The following DLGAP1 variants were observed in gnomAD, a reference collection of about 807,000 sequenced individuals.
The protein encoded by DLGAP1 is DLG associated protein 1.
DLGAP1 carries 11 observed loss-of-function variants against 90.8 expected under a neutral mutation model. The observed-to-expected ratio is 0.12, with a 90% CI of 0.08 to 0.20. The LOEUF (loss-of-function observed/expected upper bound fraction) is 0.20. Among genes scored for constraint, DLGAP1 ranks in the 10% least tolerant of loss-of-function variants. The pLI, the probability that DLGAP1 is intolerant of heterozygous loss-of-function variation, is 1.00. For synonymous variants in DLGAP1, 558 were observed against 540.7 expected, an observed-to-expected ratio of 1.03 and a Z score of -0.44; for missense variants, 1,050 against 1,333.8, an observed-to-expected ratio of 0.79 and a Z score of 3.31.
chr18:3,767,123 A>G (rs1302379338), intron 5 of DLGAP1, among the ~76,000 whole-genome samples: 6 of 152,166 alleles, frequency 3.9e-5, no homozygotes, highest in Non-Finnish European at 5.9e-5. Flanking sequence ...GATACTATGA[A>G]CAACTGTATA....
chr18:4,063,081 A>G (rs1328718873), intron 2 of DLGAP1, among the ~76,000 whole-genome samples: 3 of 152,134 alleles, frequency 2.0e-5, no homozygotes, highest in Non-Finnish European at 4.4e-5. Flanking sequence ...ACATTAATGG[A>G]AAATTTGGGA....
chr18:4,432,589 A>AGTGTGTGTGTGTGT (rs545618675), intron 1 of DLGAP1, among the ~76,000 whole-genome samples: 8 of 111,394 alleles, frequency 7.2e-5, no homozygotes, highest in African/African-American at 2.4e-4. Flanking sequence ...CACCTCACAT[A>AGTGTGTGTGTGTGT]GTGTGTGTGT....
At chr18:3,985,369 C>A (rs528575934) in intron 3 of DLGAP1, among the ~76,000 whole-genome samples, 2 of 152,310 alleles carry the variant, frequency 1.3e-5, no homozygotes, top group Admixed American at 1.3e-4. Context: ...TATTAAGTTA[C>A]AAGCAAATAA....
At chr18:3,910,452 C>T (rs2072007002) in intron 3 of DLGAP1, among the ~76,000 whole-genome samples, 1 of 152,106 alleles carries the variant, frequency 6.6e-6, no homozygotes, top group South Asian at 2.1e-4. Flanking sequence ...AACAAGTAGT[C>T]TGAGACCAAA....
intron 1 of DLGAP1, among the ~76,000 whole-genome samples, chr18:4,376,653 T>G (rs1409941583): frequency 6.6e-6 from 1 of 152,172 alleles, no homozygotes; most frequent in Non-Finnish European, 1.5e-5. Context: ...GCCTTCAGTC[T>G]TAAAAGAACA....
chr18:3,902,751 C>G (rs1049530732), intron 3 of DLGAP1, among the ~76,000 whole-genome samples: 23 of 152,154 alleles, frequency 1.5e-4, no homozygotes, highest in Admixed American at 1.3e-3. Context: ...CCTCCAGAAG[C>G]TGGCTCCAAT....
At chr18:3,564,209 G>A (rs1462348180) in intron 9 of DLGAP1, among the ~76,000 whole-genome samples, 1 of 152,236 alleles carries the variant, frequency 6.6e-6, no homozygotes, top group African/African-American at 2.4e-5. Context: ...GGTAAGGTGT[G>A]TGTGAGGGAA....
intron 10 of DLGAP1, among the ~76,000 whole-genome samples, chr18:3,509,704 G>A (rs2050433595): frequency 6.6e-6 from 1 of 152,198 alleles, no homozygotes; most frequent in South Asian, 2.1e-4. Flanking sequence ...GTACCCGAGT[G>A]GAATAAGCCT....
chr18:4,259,318 AT>A (rs1338082117), intron 1 of DLGAP1, among the ~76,000 whole-genome samples: 1 of 152,218 alleles, frequency 6.6e-6, no homozygotes, highest in Non-Finnish European at 1.5e-5. Flanking sequence ...AAACTGAAAG[AT>A]GTAATACTTC....
chr18:4,418,749 A>G (rs1238283940), intron 1 of DLGAP1, among the ~76,000 whole-genome samples: 1 of 152,188 alleles, frequency 6.6e-6, no homozygotes, highest in Non-Finnish European at 1.5e-5. Flanking sequence ...ACATGTAAAT[A>G]GAATAACAGA....
intron 1 of DLGAP1, among the ~76,000 whole-genome samples, chr18:4,408,802 A>C (rs1015079505): frequency 6.6e-6 from 1 of 152,218 alleles, no homozygotes; most frequent in African/African-American, 2.4e-5. Context: ...TGTATCAGCC[A>C]AAGTGTAGAA....
chr18:4,329,644 C>T (rs1001938290), intron 1 of DLGAP1, among the ~76,000 whole-genome samples: 3 of 151,840 alleles, frequency 2.0e-5, no homozygotes, highest in Admixed American at 6.6e-5. Flanking sequence ...AATATCTCTC[C>T]GTCATTGAGT....
intron 1 of DLGAP1, among the ~76,000 whole-genome samples, chr18:4,231,341 C>A (rs2078294894): frequency 6.6e-6 from 1 of 152,148 alleles, no homozygotes; most frequent in African/African-American, 2.4e-5. Context: ...ACTTCTCTGC[C>A]CTGCTCTGGA....
At chr18:4,299,097 A>C (rs555477418) in intron 1 of DLGAP1, among the ~76,000 whole-genome samples, 130 of 151,568 alleles carry the variant, frequency 8.6e-4, no homozygotes, top group African/African-American at 1.9e-3. Flanking sequence ...AAAAAAAAAA[A>C]AAAAAAAAAA....
intron 3 of DLGAP1, among the ~76,000 whole-genome samples, chr18:3,913,370 G>A (rs938707780): frequency 1.4e-4 from 22 of 152,152 alleles, no homozygotes; most frequent in Admixed American, 6.5e-4. Context: ...GATTACAGAC[G>A]TGAACCACCA....
intron 3 of DLGAP1, among the ~76,000 whole-genome samples, chr18:3,942,860 C>T (rs749227892): frequency 6.6e-5 from 10 of 151,908 alleles, no homozygotes; most frequent in Non-Finnish European, 1.5e-4. Flanking sequence ...ATGGATATAC[C>T]GTCTAGGGTT....
In DLGAP1 at chr18:4,143,127, C is replaced by T. The variant is rs112001717; in HGVS notation, c.-159+8053G>A. ...CGCACTAACCACTGCCTGGCTACCA[C>T]GTATATTTGCTCAAGGCCCTAGGGC... is the stretch of plus-strand genomic sequence containing the variant. On this transcript the variant is annotated intron_variant, in intron 2 of 12. Coordinates refer to ENST00000315677, the MANE Select transcript of DLGAP1 (RefSeq NM_004746.4). Among the ~76,000 whole-genome samples the T allele has an allele frequency of 3.8e-3, 573 of 152,162 alleles. 4 individuals are homozygous for T. The highest frequency in any genetic ancestry group is 0.011 in the South Asian group (51 of 4,808).
At chr18:4,239,449 A>G (rs1441997000) in intron 1 of DLGAP1, among the ~76,000 whole-genome samples, 1 of 152,248 alleles carries the variant, frequency 6.6e-6, no homozygotes, top group Non-Finnish European at 1.5e-5. Flanking sequence ...TTACCTGCTG[A>G]GAATGATCAG....
chr18:3,954,467 A>C (rs1471193024), intron 3 of DLGAP1, among the ~76,000 whole-genome samples: 5 of 152,244 alleles, frequency 3.3e-5, no homozygotes, highest in Admixed American at 3.3e-4. Context: ...TTCAATGAAC[A>C]TTAAACAATA....
Sources: gnomAD v4.1 joint callset for allele counts (sites outside exome capture counted in the v4.1 genomes callset) on GRCh38, gnomAD v4.1.1 for gene constraint, MANE v1.5 for transcripts, NCBI Gene and HGNC (gene_info 2026-07-23, HGNC 2026-07-21) for gene names.